Variants in ENTREP2 observed in about 807,000 individuals in gnomAD.
ENTREP2 encodes the protein protein ENTREP2.
the ENTREP2 span, chr15:29,196,580 C>A: frequency 6.5e-7 from 1 of 1,541,282 alleles, no homozygotes; most frequent in Non-Finnish European, 8.8e-7. Flanking sequence ...CAGAGGAACA[C>A]AGACAGACCT....
At chr15:29,317,764 T>G in the ENTREP2 span, among the ~76,000 whole-genome samples, 1 of 152,100 alleles carries the variant, frequency 6.6e-6, no homozygotes, top group East Asian at 1.9e-4. Context: ...CCAACCCACC[T>G]CAAAGAGGCA....
chr15:29,277,563 T>A, the ENTREP2 span, among the ~76,000 whole-genome samples: 2 of 152,136 alleles, frequency 1.3e-5, no homozygotes, highest in Non-Finnish European at 2.9e-5. Flanking sequence ...CTCACATCCC[T>A]ATGAGAATCT....
the ENTREP2 span, among the ~76,000 whole-genome samples, chr15:29,323,070 C>A: frequency 6.6e-6 from 1 of 152,140 alleles, no homozygotes. Flanking sequence ...TATAAGGTAC[C>A]TGTGATACTG....
chr15:29,234,052 G>T, the ENTREP2 span: 1 of 1,458,662 alleles, frequency 6.9e-7, no homozygotes, highest in Non-Finnish European at 9.6e-7. Flanking sequence ...ATCCTCTATT[G>T]CTTTGTGCAA....
At chr15:29,470,212 G>A in the ENTREP2 span, among the ~76,000 whole-genome samples, 1 of 152,184 alleles carries the variant, frequency 6.6e-6, no homozygotes, top group African/African-American at 2.4e-5. Context: ...ACTCAAGATT[G>A]GCAGAGGGGC....
At chr15:29,141,596 C>T in the ENTREP2 span, among the ~76,000 whole-genome samples, 1 of 152,168 alleles carries the variant, frequency 6.6e-6, no homozygotes, top group Non-Finnish European at 1.5e-5. Flanking sequence ...GGTTTCCTGC[C>T]CAGCACCCAC....
the ENTREP2 span, chr15:29,196,731 C>G: frequency 1.7e-6 from 1 of 588,448 alleles, no homozygotes; most frequent in Non-Finnish European, 2.7e-6. Flanking sequence ...CCCAGGCCAT[C>G]AGGAGGACTT....
At chr15:29,550,676 C>T in the ENTREP2 span, among the ~76,000 whole-genome samples, 4 of 152,088 alleles carry the variant, frequency 2.6e-5, no homozygotes, top group Admixed American at 2.6e-4. Flanking sequence ...ACCTTAAAAC[C>T]ATTAGAATAC....
chr15:29,320,027 T>G, the ENTREP2 span, among the ~76,000 whole-genome samples: 1 of 152,196 alleles, frequency 6.6e-6, no homozygotes, highest in African/African-American at 2.4e-5. Flanking sequence ...AACAAAGGCC[T>G]GCTCTCCAAC....
chr15:29,209,972 G>C, the ENTREP2 span, among the ~76,000 whole-genome samples: 1 of 152,186 alleles, frequency 6.6e-6, no homozygotes, highest in Non-Finnish European at 1.5e-5. Context: ...GGATTGTAAA[G>C]GTTTCAAGAA....
At chr15:29,422,276 A>C in the ENTREP2 span, among the ~76,000 whole-genome samples, 1 of 152,142 alleles carries the variant, frequency 6.6e-6, no homozygotes, top group East Asian at 1.9e-4. Flanking sequence ...GTGTCAAAAA[A>C]AAAGAAAAAA....
chr15:29,167,461 A>G, the ENTREP2 span, among the ~76,000 whole-genome samples: 1 of 152,362 alleles, frequency 6.6e-6, no homozygotes, highest in East Asian at 1.9e-4. Flanking sequence ...ACAAACTGAA[A>G]CAAATCAATA....
chr15:29,497,992 C>T, the ENTREP2 span, among the ~76,000 whole-genome samples: 153 of 152,248 alleles, frequency 1.0e-3, no homozygotes, highest in African/African-American at 3.2e-3. Flanking sequence ...CAAATCTTAT[C>T]TCAAATTGTA....
the ENTREP2 span, among the ~76,000 whole-genome samples, chr15:29,629,087 A>C: frequency 6.6e-6 from 1 of 152,050 alleles, no homozygotes; most frequent in Non-Finnish European, 1.5e-5. Context: ...TGTCCCTGGT[A>C]ATTTTCTCTT....
At chr15:29,585,686 C>G in the ENTREP2 span, among the ~76,000 whole-genome samples, 1 of 151,894 alleles carries the variant, frequency 6.6e-6, no homozygotes, top group Non-Finnish European at 1.5e-5. Context: ...GAAACCCCGT[C>G]TCTACTAAAA....
chr15:29,316,995 T>C, the ENTREP2 span, among the ~76,000 whole-genome samples: 1 of 152,258 alleles, frequency 6.6e-6, no homozygotes, highest in Admixed American at 6.5e-5. Flanking sequence ...TTATTTTTTA[T>C]TTTGGTATGA....
At chr15:29,415,125 A>C in the ENTREP2 span, among the ~76,000 whole-genome samples, 1 of 151,318 alleles carries the variant, frequency 6.6e-6, no homozygotes, top group Non-Finnish European at 1.5e-5. Context: ...CAACAGAAAA[A>C]CAGTGAATCC....
At chr15:29,118,940 C>T in the ENTREP2 span, among the ~76,000 whole-genome samples, 4 of 152,296 alleles carry the variant, frequency 2.6e-5, no homozygotes, top group Admixed American at 1.3e-4. Context: ...CAGGAGCCCT[C>T]CTCTCTGGCC....
the ENTREP2 span, among the ~76,000 whole-genome samples, chr15:29,510,306 ATAAAT>A: frequency 6.6e-6 from 1 of 152,186 alleles, no homozygotes; most frequent in African/African-American, 2.4e-5. Context: ...TGGTGGGAGT[ATAAAT>A]TAGTTCCTCC....
Sources: allele counts gnomAD v4.1 joint callset (sites outside exome capture counted in the v4.1 genomes callset), GRCh38; gene constraint gnomAD v4.1.1; transcripts MANE v1.5; gene names NCBI Gene and HGNC (gene_info 2026-07-23, HGNC 2026-07-21).